The following PSMG2 variants were observed in gnomAD, a reference collection of about 807,000 sequenced individuals.
PSMG2 encodes proteasome assembly chaperone 2, also known as CD40 ligand-activated specific transcript 3.
Under a neutral mutation model 31.5 loss-of-function variants are expected in PSMG2, and 21 were observed. That is an observed-to-expected ratio of 0.67 (90% CI 0.47 to 0.96). The LOEUF is 0.96. Among genes scored for constraint, PSMG2 ranks in the 40% least tolerant of loss-of-function variants. PSMG2 has a pLI of 0.00. For missense variants in PSMG2, 318 were observed against 321.2 expected (o/e 0.99, Z 0.08); for synonymous variants, 120 against 110.4 (o/e 1.09, Z -0.54).
chr18:12,711,750 CTTTTTTTT>C (rs34631690), intron 2 of PSMG2, among the ~76,000 whole-genome samples: 1 of 97,572 alleles, frequency 1.0e-5, no homozygotes, highest in Non-Finnish European at 1.9e-5. Flanking sequence ...GCTTCTCATT[CTTTTTTTT>C]TTTTTTTTTT....
At chr18:12,706,446 C>A in intron 1 of PSMG2, 104 bp from the exon 2 acceptor site, 2 of 1,228,338 alleles carry the variant, frequency 1.6e-6, no homozygotes, top group Non-Finnish European at 2.4e-6. Context: ...AAGATCACGC[C>A]ACTGTACTCC....
At chr18:12,695,469 A>T (rs1046759668) in intron 1 of PSMG2, 8 of 484,180 alleles carry the variant, frequency 1.7e-5, no homozygotes, top group Non-Finnish European at 3.0e-5. Context: ...TGGAATAAAG[A>T]TAACATTCAA....
intron 1 of PSMG2, among the ~76,000 whole-genome samples, chr18:12,695,599 T>C (rs750130700): frequency 6.6e-6 from 1 of 152,102 alleles, no homozygotes; most frequent in African/African-American, 2.4e-5. Context: ...TAAGTAGAGA[T>C]GGGGTCTCCC....
At chr18:12,711,615 C>T (rs780134988) in intron 2 of PSMG2, among the ~76,000 whole-genome samples, 3 of 152,160 alleles carry the variant, frequency 2.0e-5, no homozygotes, top group Non-Finnish European at 2.9e-5. Context: ...AGACCTGTAA[C>T]AGTAGAGACC....
At chr18:12,699,203 G>C (rs751659357), upstream of PSMG2, 1 of 1,599,702 alleles carries the variant, frequency 6.3e-7, no homozygotes, top group Non-Finnish European at 8.6e-7. Flanking sequence ...ATCAATATTA[G>C]CTGTAAAGTG....
At chr18:12,665,134 T>A (rs2038778261) in intron 1 of PSMG2, 1 of 152,216 alleles carries the variant, frequency 6.6e-6, no homozygotes, top group Non-Finnish European at 1.5e-5. Context: ...TCATTTCTCT[T>A]CCAAGGTGAG....
At chr18:12,667,760 C>CAAAA (rs67167827) in intron 1 of PSMG2, among the ~76,000 whole-genome samples, 6 of 89,902 alleles carry the variant, frequency 6.7e-5, no homozygotes, top group East Asian at 3.3e-4. Flanking sequence ...GACTCTTTCT[C>CAAAA]AAAAAAAAAA....
At chr18:12,673,512 G>GA (rs751437963) in intron 1 of PSMG2, 4,644 of 1,475,888 alleles carry the variant, frequency 3.1e-3, no homozygotes, top group Non-Finnish European at 3.4e-3. Flanking sequence ...ATCTATTTAA[G>GA]AAAAAAAAAA....
intron 1 of PSMG2, chr18:12,661,304 A>G: frequency 2.2e-6 from 2 of 914,832 alleles, no homozygotes; most frequent in Non-Finnish European, 2.6e-6. Flanking sequence ...GTGAGCCTTC[A>G]TCTCAAAAAA....
chr18:12,702,669 A>T (rs1215234710), upstream of PSMG2: 13 of 1,143,852 alleles, frequency 1.1e-5, no homozygotes, highest in Non-Finnish European at 1.6e-5. Flanking sequence ...CCGTTCGCCT[A>T]GCGCAGCTCC....
chr18:12,677,029 T>C (rs1237685960), intron 1 of PSMG2, among the ~76,000 whole-genome samples: 4 of 152,206 alleles, frequency 2.6e-5, no homozygotes, highest in Non-Finnish European at 4.4e-5. Flanking sequence ...ACCCCACAGC[T>C]TCAATCTCTT....
intron 1 of PSMG2, among the ~76,000 whole-genome samples, chr18:12,667,387 T>C (rs1171325574): frequency 1.3e-5 from 2 of 150,526 alleles, no homozygotes; most frequent in Non-Finnish European, 3.0e-5. Context: ...AGCCCAGGTG[T>C]TCAAGGCTGC....
intron 1 of PSMG2, among the ~76,000 whole-genome samples, chr18:12,703,433 G>A (rs1300955557): frequency 6.6e-6 from 1 of 152,214 alleles, no homozygotes; most frequent in Non-Finnish European, 1.5e-5. Context: ...TAGATACACT[G>A]TACTTATGTT....
At chr18:12,686,405 G>C in intron 1 of PSMG2, 1 of 1,614,082 alleles carries the variant, frequency 6.2e-7, no homozygotes. Flanking sequence ...CCAGCTCGAA[G>C]TGGTTTAACA....
chr18:12,718,577 A>G lies in PSMG2; in HGVS notation c.349A>G (p.Arg117Gly). The G allele has an allele frequency of 6.2e-7, 1 of 1,612,746 alleles. No homozygotes were observed. The highest frequency in any genetic ancestry group is 8.5e-7 in the Non-Finnish European group (1 of 1,179,132). The change falls in exon 4 of 7, where the codon AGA becomes GGA. Residue 117 changes from arginine (R) to glycine (G), a missense_variant. Transcript: ENST00000317615. ...LSWVKSSGCA[R>G]VIVLSSSHSY... ...CTGGGTGAAAAGCAGTGGCTGTGCC[A>G]GAGTCATTGTTCTTTCAAGCAGTCA...
At chr18:12,700,896 G>A (rs2040127274), upstream of PSMG2, 6 of 1,358,832 alleles carry the variant, frequency 4.4e-6, no homozygotes, top group East Asian at 2.3e-5. Context: ...AACCTTATAA[G>A]TAGTGTTACG....
At chr18:12,717,882 G>A (rs1171276591) in intron 3 of PSMG2, among the ~76,000 whole-genome samples, 5 of 152,218 alleles carry the variant, frequency 3.3e-5, no homozygotes, top group Non-Finnish European at 5.9e-5. Context: ...AGATGACCAT[G>A]TATTGGTTAT....
At chr18:12,685,236 G>C (rs977897662) in intron 1 of PSMG2, 1 of 151,994 alleles carries the variant, frequency 6.6e-6, no homozygotes, top group African/African-American at 2.4e-5. Context: ...CTGACCTCAG[G>C]TGATCCACCC....
intron 1 of PSMG2, chr18:12,680,768 C>T: frequency 4.3e-6 from 7 of 1,613,824 alleles, no homozygotes; most frequent in African/African-American, 1.3e-5. Context: ...CAAACAAAGG[C>T]TTCTAATCCA....
Sources: gnomAD v4.1 joint callset for allele counts (sites outside exome capture counted in the v4.1 genomes callset) on GRCh38, gnomAD v4.1.1 for gene constraint, MANE v1.5 for transcripts, NCBI Gene and HGNC (gene_info 2026-07-23, HGNC 2026-07-21) for gene names.